The following TENM2 variants were observed in gnomAD, a reference collection of about 807,000 sequenced individuals.
TENM2 encodes teneurin transmembrane protein 2, also known as teneurin-2.
In TENM2, 52 loss-of-function variants were observed where a neutral mutation model predicts 245.2. The ratio of observed to expected loss-of-function variants is 0.21; its 90% confidence interval spans 0.17 to 0.27. The LOEUF is 0.27. Ranked by LOEUF, TENM2 falls within the 10% of genes least tolerant of loss-of-function variation. TENM2 has a pLI of 1.00. For synonymous variants in TENM2, 1,363 were observed against 1,438.9 expected (o/e 0.95, Z 1.19); for missense variants, 3,046 against 3,666.8 (o/e 0.83, Z 4.37).
chr5:167,337,051 A>T (rs1278455614), intron 1 of TENM2, among the ~76,000 whole-genome samples: 2 of 129,948 alleles, frequency 1.5e-5, no homozygotes, highest in Admixed American at 9.1e-5. Context: ...CGGGAAGCGG[A>T]GCTTGCAGTG....
chr5:168,250,555 A>T (rs555104619), intron 27 of TENM2, among the ~76,000 whole-genome samples: 1 of 152,312 alleles, frequency 6.6e-6, no homozygotes, highest in African/African-American at 2.4e-5. Flanking sequence ...GCTGCCATCT[A>T]AGCCCCATGC....
At chr5:168,194,498 A>G (rs956608749) in intron 14 of TENM2, among the ~76,000 whole-genome samples, 2 of 152,202 alleles carry the variant, frequency 1.3e-5, no homozygotes, top group African/African-American at 4.8e-5. Context: ...GGAATTCGAC[A>G]TAAGAGAAAT....
chr5:167,213,934 A>G, the TENM2 span, among the ~76,000 whole-genome samples: 3 of 152,342 alleles, frequency 2.0e-5, no homozygotes, highest in African/African-American at 7.2e-5. Context: ...CGATTTGCCA[A>G]GTTGGCCACT....
At chr5:167,763,740 T>C (rs1762824579) in intron 2 of TENM2, among the ~76,000 whole-genome samples, 1 of 152,220 alleles carries the variant, frequency 6.6e-6, no homozygotes, top group African/African-American at 2.4e-5. Flanking sequence ...AGAATTTTTC[T>C]TCTAGGTAGG....
intron 7 of TENM2, chr5:168,085,417 G>A (rs1792363393): frequency 6.6e-6 from 1 of 152,208 alleles, no homozygotes; most frequent in South Asian, 2.1e-4. Flanking sequence ...TGGAAATGCA[G>A]ATGCTGTTTC....
intron 2 of TENM2, among the ~76,000 whole-genome samples, chr5:167,700,936 T>A (rs73386406): frequency 0.042 from 5,874 of 140,750 alleles, 455 homozygotes; most frequent in African/African-American, 0.15. Flanking sequence ...GTACACACAG[T>A]TGTTATATTT....
At chr5:167,677,436 T>C (rs1756407583) in intron 2 of TENM2, among the ~76,000 whole-genome samples, 1 of 151,860 alleles carries the variant, frequency 6.6e-6, no homozygotes, top group Admixed American at 6.6e-5. Flanking sequence ...TATAATTTGT[T>C]AGAACTTTTT....
chr5:167,207,287 A>G, the TENM2 span, among the ~76,000 whole-genome samples: 10 of 152,210 alleles, frequency 6.6e-5, no homozygotes, highest in African/African-American at 2.2e-4. Flanking sequence ...GGCCATACAC[A>G]CATGAACGGG....
At chr5:167,464,484 G>T (rs1297893023) in intron 2 of TENM2, among the ~76,000 whole-genome samples, 1 of 152,080 alleles carries the variant, frequency 6.6e-6, no homozygotes, top group African/African-American at 2.4e-5. Flanking sequence ...ACAGGAAGGG[G>T]CAAAAAGTAA....
At chr5:168,016,998 C>T (rs1010420088) in intron 5 of TENM2, among the ~76,000 whole-genome samples, 2 of 152,206 alleles carry the variant, frequency 1.3e-5, no homozygotes, top group Non-Finnish European at 2.9e-5. Flanking sequence ...GGATGGGACT[C>T]AACCTTGCAA....
chr5:168,011,117 T>C (rs1009866173), intron 5 of TENM2, among the ~76,000 whole-genome samples: 2 of 152,212 alleles, frequency 1.3e-5, no homozygotes, highest in African/African-American at 4.8e-5. Flanking sequence ...TAATAACCAG[T>C]CGCCTCAGCC....
chr5:167,972,638 G>A (rs924048985), intron 4 of TENM2, among the ~76,000 whole-genome samples: 10 of 151,832 alleles, frequency 6.6e-5, no homozygotes, highest in African/African-American at 2.4e-4. Context: ...AATTTTGATC[G>A]ATTGTGCCAA....
At chr5:167,772,490 C>A (rs1763464479) in intron 2 of TENM2, among the ~76,000 whole-genome samples, 1 of 152,156 alleles carries the variant, frequency 6.6e-6, no homozygotes, top group African/African-American at 2.4e-5. Context: ...AGTGGGCATT[C>A]TCCTAGGTTT....
the TENM2 span, among the ~76,000 whole-genome samples, chr5:167,113,984 G>T: frequency 2.0e-5 from 3 of 152,122 alleles, no homozygotes; most frequent in African/African-American, 7.2e-5. Context: ...GCAAGCTGAG[G>T]TCTCCACTGT....
chr5:167,613,112 G>C (rs1254338515), intron 2 of TENM2, among the ~76,000 whole-genome samples: 1 of 152,102 alleles, frequency 6.6e-6, no homozygotes, highest in Middle Eastern at 3.2e-3. Context: ...TGAAGAGCAT[G>C]ATCCATAGAA....
the TENM2 span, among the ~76,000 whole-genome samples, chr5:167,087,489 A>AT: frequency 5.6e-3 from 850 of 152,242 alleles, 10 homozygotes; most frequent in African/African-American, 0.018. Flanking sequence ...TGTTTATCAG[A>AT]TTTTTTTAAC....
In TENM2 at chr5:167,637,804, G is replaced by A. The variant is rs191639472; in HGVS notation, c.503-238182G>A. ...CAGGGAGGGGAACATCACACACCGG[G>A]GCCTATTGTGGGTTGGGGGAAAGGG... On this transcript the variant is annotated intron_variant, in intron 2 of 28. Transcript: ENST00000518659. Among the ~76,000 whole-genome samples, 1,184 of 152,104 alleles carry A rather than the reference G, an allele frequency of 7.8e-3. 8 individuals are homozygous for A. Among genetic ancestry groups the A allele is most frequent in the Admixed American group, 0.012 (183 of 15,260 alleles).
At chr5:167,813,413 AC>A in intron 2 of TENM2, among the ~76,000 whole-genome samples, 1 of 152,068 alleles carries the variant, frequency 6.6e-6, no homozygotes, top group East Asian at 1.9e-4. Flanking sequence ...ACACACACAC[AC>A]ACACAGTGGA....
chr5:167,959,836 A>T (rs180963749), intron 4 of TENM2, among the ~76,000 whole-genome samples: 18 of 151,974 alleles, frequency 1.2e-4, no homozygotes, highest in African/African-American at 3.9e-4. Context: ...ATCTGTGTGG[A>T]TTTATCTACC....
Sources: allele counts gnomAD v4.1 joint callset (sites outside exome capture counted in the v4.1 genomes callset), GRCh38; gene constraint gnomAD v4.1.1; transcripts MANE v1.5; gene names NCBI Gene and HGNC (gene_info 2026-07-23, HGNC 2026-07-21).